The following UBE2L3 variants were observed in gnomAD, a reference collection of about 807,000 sequenced individuals.
The protein encoded by UBE2L3 is ubiquitin-conjugating enzyme E2 L3.
A neutral mutation model predicts 17.8 loss-of-function variants in UBE2L3; 1 was observed. The observed-to-expected ratio is 0.06, with a 90% confidence interval of 0.02 to 0.27. The LOEUF is 0.27. UBE2L3 is among the 10% of genes least tolerant of loss of function. The pLI, the probability that UBE2L3 is intolerant of heterozygous loss-of-function variation, is 1.00. For missense variants in UBE2L3, 40 were observed against 192.6 expected, an observed-to-expected ratio of 0.21 and a Z score of 4.69; for synonymous variants, 44 against 68.5, an observed-to-expected ratio of 0.64 and a Z score of 1.76.
chr22:21,565,422 T>A (rs931300339), upstream of UBE2L3, among the ~76,000 whole-genome samples: 2 of 151,548 alleles, frequency 1.3e-5, no homozygotes, highest in African/African-American at 4.8e-5. Flanking sequence ...TTCCCTTTCC[T>A]TCTCTCCTTT....
At chr22:21,563,178 G>T (rs1194956745), upstream of UBE2L3, among the ~76,000 whole-genome samples, 4 of 150,104 alleles carry the variant, frequency 2.7e-5, no homozygotes, top group Non-Finnish European at 5.9e-5. Context: ...GGAGGCGGAG[G>T]TTGCAGTGAG....
Position 21,622,855 on chromosome 22 carries a change from T to G in UBE2L3, c.*1186T>G, listed in dbSNP as rs1930111212. The G allele has an allele frequency of 6.5e-6, 1 of 152,820 alleles. No individual in the cohort carries two copies. The highest frequency in any genetic ancestry group is 2.4e-5 in the African/African-American group (1 of 41,460). The allele number at this position is 152,820 out of a possible 1,614,324, so 9.5% of individuals were successfully genotyped here. Reference sequence around the variant, plus strand: ...GAGTCAAGCTCCACTTGAAGCTCACTCAGTAATATCCTTTCAATGTGTTTT... The same window carrying G: ...GAGTCAAGCTCCACTTGAAGCTCACGCAGTAATATCCTTTCAATGTGTTTT... On this transcript the variant is annotated 3_prime_UTR_variant, in exon 4 of 4. Coordinates refer to ENST00000342192, the MANE Select transcript of UBE2L3 (RefSeq NM_003347.4).
intron 3 of UBE2L3, among the ~76,000 whole-genome samples, chr22:21,615,508 TCA>T (rs1681540437): frequency 6.8e-6 from 1 of 147,204 alleles, no homozygotes; most frequent in South Asian, 2.1e-4. Context: ...TGAGCCGAGA[TCA>T]CGCCACTGCA....
At chr22:21,581,415 C>G (rs1371266200) in intron 1 of UBE2L3, among the ~76,000 whole-genome samples, 1 of 152,080 alleles carries the variant, frequency 6.6e-6, no homozygotes. Flanking sequence ...GTCTTGAACT[C>G]CTGGCCTCAA....
At chr22:21,609,712 A>C (rs113384463) in intron 2 of UBE2L3, among the ~76,000 whole-genome samples, 3 of 151,536 alleles carry the variant, frequency 2.0e-5, no homozygotes, top group African/African-American at 7.3e-5. Flanking sequence ...AAAATAAATA[A>C]GTAAGTATGA....
At chr22:21,579,126 G>A (rs1927487049) in intron 1 of UBE2L3, among the ~76,000 whole-genome samples, 1 of 151,912 alleles carries the variant, frequency 6.6e-6, no homozygotes, top group South Asian at 2.1e-4. Flanking sequence ...GAGTAGCTGG[G>A]ACTACAGGTG....
upstream of UBE2L3, among the ~76,000 whole-genome samples, chr22:21,563,190 C>T (rs5998509): frequency 0.19 from 27,258 of 144,796 alleles, 3,070 homozygotes; most frequent in East Asian, 0.4. Context: ...TGCAGTGAGC[C>T]GAGATTGCGC....
intron 3 of UBE2L3, among the ~76,000 whole-genome samples, chr22:21,620,036 T>C (rs1301586516): frequency 6.6e-6 from 1 of 152,156 alleles, no homozygotes; most frequent in East Asian, 1.9e-4. Context: ...TTCATGCCTG[T>C]CATCCTAGCA....
intron 3 of UBE2L3, chr22:21,614,437 A>AAAG: frequency 1.8e-6 from 1 of 548,680 alleles, no homozygotes; most frequent in South Asian, 1.7e-5. Context: ...CAAAAAAAAA[A>AAAG]AAAGAAAGAA....
At chr22:21,558,645 A>G (rs868296110) in intron 1 of UBE2L3, among the ~76,000 whole-genome samples, 1 of 150,316 alleles carries the variant, frequency 6.7e-6, no homozygotes, top group South Asian at 2.1e-4. Context: ...AAAAAAAAAA[A>G]AAAACACTTA....
intron 3 of UBE2L3, among the ~76,000 whole-genome samples, chr22:21,615,683 C>CTAGT (rs1451775373): frequency 6.6e-6 from 1 of 152,202 alleles, no homozygotes; most frequent in Non-Finnish European, 1.5e-5. Flanking sequence ...TTTGCCTACT[C>CTAGT]ACTAAAGTTT....
chr22:21,569,520 C>G (rs2148398791), intron 1 of UBE2L3, among the ~76,000 whole-genome samples: 2 of 152,244 alleles, frequency 1.3e-5, no homozygotes, highest in East Asian at 3.9e-4. Context: ...CCCAGACTAC[C>G]CCTGACGGAC....
chr22:21,585,276 A>T (rs963104625), intron 1 of UBE2L3, among the ~76,000 whole-genome samples: 1 of 152,236 alleles, frequency 6.6e-6, no homozygotes, highest in African/African-American at 2.4e-5. Flanking sequence ...TCAGTTTTTC[A>T]TGCTGCTGCT....
chr22:21,595,279 A>G (rs1426936592), intron 2 of UBE2L3, among the ~76,000 whole-genome samples: 2 of 152,196 alleles, frequency 1.3e-5, no homozygotes, highest in Non-Finnish European at 2.9e-5. Flanking sequence ...TGTATGAGGA[A>G]TGTTTCAATG....
chr22:21,588,689 A>T (rs5754234), intron 1 of UBE2L3, among the ~76,000 whole-genome samples: 27,980 of 150,948 alleles, frequency 0.19, 3,439 homozygotes, highest in East Asian at 0.42. Context: ...TTTGAGACAG[A>T]GTCTTGCTCT....
intron 1 of UBE2L3, chr22:21,568,138 C>T (rs530972670): frequency 1.4e-4 from 145 of 1,035,824 alleles, no homozygotes; most frequent in Non-Finnish European, 1.5e-4. Flanking sequence ...TCGGGGAAGG[C>T]CCGAGCGCCG....
At chr22:21,618,562 C>T (rs950351869) in intron 3 of UBE2L3, among the ~76,000 whole-genome samples, 1 of 151,338 alleles carries the variant, frequency 6.6e-6, no homozygotes, top group Non-Finnish European at 1.5e-5. Flanking sequence ...GGCGACAGAG[C>T]GAGACTCCAT....
At chr22:21,586,944 G>T (rs1927975707) in intron 1 of UBE2L3, among the ~76,000 whole-genome samples, 1 of 148,598 alleles carries the variant, frequency 6.7e-6, no homozygotes, top group Non-Finnish European at 1.5e-5. Flanking sequence ...GGAGTACAAT[G>T]GTGTGATCTT....
chr22:21,598,195 A>ATATGTGTGTGTGTGTGTGTGTGTG (rs1555885642), intron 2 of UBE2L3, among the ~76,000 whole-genome samples: 16 of 148,512 alleles, frequency 1.1e-4, no homozygotes, highest in African/African-American at 3.9e-4. Context: ...GGTTTCATTA[A>ATATGTGTGTGTGTGTGTGTGTGTG]TGTGTGTGTG....
Sources: gnomAD v4.1 joint callset for allele counts (sites outside exome capture counted in the v4.1 genomes callset) on GRCh38, gnomAD v4.1.1 for gene constraint, MANE v1.5 for transcripts, NCBI Gene and HGNC (gene_info 2026-07-23, HGNC 2026-07-21) for gene names.